Variants in ZNF469 observed in about 807,000 individuals in gnomAD.
The protein encoded by ZNF469 is zinc finger protein 469.
A neutral mutation model predicts 1.0 loss-of-function variants in ZNF469; 1 was observed. The ratio of observed to expected loss-of-function variants is 1.00; its 90% CI spans 0.35 to 4.73. The LOEUF (loss-of-function observed/expected upper bound fraction) is 4.73. ZNF469 is among the 30% of genes most tolerant of loss of function. The probability of loss-of-function intolerance (pLI) is 0.16; values close to 1 mark genes in which losing one functional copy is unlikely to be tolerated. For synonymous variants in ZNF469, 2,703 were observed against 2,363.4 expected (o/e 1.14, Z -4.17); for missense variants, 6,100 against 5,356.3 (o/e 1.14, Z -4.33).
chr16:88,329,414 G>A, the ZNF469 span, among the ~76,000 whole-genome samples: 13 of 152,238 alleles, frequency 8.5e-5, no homozygotes, highest in Admixed American at 2.0e-4. Context: ...GCTGCCTAGC[G>A]GAAGCCCCCT....
chr16:88,405,944 G>A (rs1905018027), intron 1 of ZNF469, among the ~76,000 whole-genome samples: 1 of 152,232 alleles, frequency 6.6e-6, no homozygotes, highest in Admixed American at 6.5e-5. Context: ...ACACATCAGA[G>A]CGTCTTGGCA....
At chr16:88,175,915 A>G in the ZNF469 span, among the ~76,000 whole-genome samples, 2 of 152,246 alleles carry the variant, frequency 1.3e-5, no homozygotes, top group East Asian at 3.8e-4. Context: ...GCCCTGATCT[A>G]TATGATGATC....
At chr16:88,297,880 C>A in the ZNF469 span, among the ~76,000 whole-genome samples, 6 of 152,208 alleles carry the variant, frequency 3.9e-5, no homozygotes, top group Non-Finnish European at 7.3e-5. Context: ...GAGGGCACTA[C>A]AGGTGCCGGT....
At chr16:88,127,581 G>A in the ZNF469 span, among the ~76,000 whole-genome samples, 16 of 152,280 alleles carry the variant, frequency 1.1e-4, no homozygotes, top group Admixed American at 9.8e-4. Context: ...TTCAGATACG[G>A]CGAAACCATT....
At chr16:88,101,445 C>A in the ZNF469 span, among the ~76,000 whole-genome samples, 1 of 152,014 alleles carries the variant, frequency 6.6e-6, no homozygotes, top group Admixed American at 6.5e-5. Flanking sequence ...TTTTGTGGCA[C>A]GCTCCAGGTG....
At chr16:88,118,998 TGA>T in the ZNF469 span, among the ~76,000 whole-genome samples, 1 of 152,190 alleles carries the variant, frequency 6.6e-6, no homozygotes, top group Non-Finnish European at 1.5e-5. Context: ...CCCAAGACAA[TGA>T]GAGGCAGGGC....
chr16:88,353,690 T>C, the ZNF469 span, among the ~76,000 whole-genome samples: 6 of 152,206 alleles, frequency 3.9e-5, no homozygotes, highest in African/African-American at 7.2e-5. Flanking sequence ...ATGTGACCTC[T>C]CTGGAAACAG....
intron 1 of ZNF469, among the ~76,000 whole-genome samples, chr16:88,387,615 T>C (rs2142262562): frequency 6.6e-6 from 1 of 152,230 alleles, no homozygotes; most frequent in African/African-American, 2.4e-5. Context: ...AAGTGGTCTC[T>C]GAGAATCACA....
At chr16:88,212,094 T>C in the ZNF469 span, among the ~76,000 whole-genome samples, 1 of 152,258 alleles carries the variant, frequency 6.6e-6, no homozygotes, top group South Asian at 2.1e-4. Context: ...TTCTTATATA[T>C]TTTGTCCTCT....
chr16:88,348,860 C>T, the ZNF469 span, among the ~76,000 whole-genome samples: 1 of 152,166 alleles, frequency 6.6e-6, no homozygotes, highest in Non-Finnish European at 1.5e-5. Context: ...ACCCCACAGG[C>T]ACTCGGCATC....
chr16:88,105,288 CT>C, the ZNF469 span, among the ~76,000 whole-genome samples: 1 of 130,434 alleles, frequency 7.7e-6, no homozygotes, highest in African/African-American at 2.9e-5. Context: ...ACAGCATTTT[CT>C]TTTTTCTTTC....
the ZNF469 span, among the ~76,000 whole-genome samples, chr16:88,377,703 T>C: frequency 0.53 from 79,455 of 151,100 alleles, 25,062 homozygotes; most frequent in African/African-American, 0.87. Flanking sequence ...CTCCCTCCTC[T>C]CTCCCACTCA....
the ZNF469 span, among the ~76,000 whole-genome samples, chr16:88,112,178 C>T: frequency 7.3e-5 from 11 of 150,996 alleles, no homozygotes; most frequent in East Asian, 2.2e-3. Flanking sequence ...TTGGCTAACG[C>T]CTGAATCCCA....
the ZNF469 span, among the ~76,000 whole-genome samples, chr16:88,256,843 CCTTT>C: frequency 6.6e-6 from 1 of 150,638 alleles, no homozygotes; most frequent in Admixed American, 6.6e-5. Context: ...TTCCTTCCTT[CCTTT>C]CTTCCTTCCT....
upstream of ZNF469, among the ~76,000 whole-genome samples, chr16:88,382,225 C>T (rs987247721): frequency 1.3e-5 from 2 of 152,184 alleles, no homozygotes; most frequent in African/African-American, 4.8e-5. Flanking sequence ...ACGTACTGGG[C>T]CAGGGGGCTC....
the ZNF469 span, among the ~76,000 whole-genome samples, chr16:88,198,714 G>A: frequency 6.6e-6 from 1 of 152,220 alleles, no homozygotes; most frequent in Non-Finnish European, 1.5e-5. Context: ...GCCAGGCCTT[G>A]GAGTTGTGAA....
chr16:88,165,161 A>T, the ZNF469 span, among the ~76,000 whole-genome samples: 20 of 152,180 alleles, frequency 1.3e-4, no homozygotes, highest in Non-Finnish European at 2.6e-4. Flanking sequence ...GGCTCCTGTG[A>T]GTGGGCTCAG....
chr16:88,366,328 A>G, the ZNF469 span, among the ~76,000 whole-genome samples: 26 of 151,760 alleles, frequency 1.7e-4, no homozygotes, highest in South Asian at 5.2e-3. Flanking sequence ...CGTCATTATC[A>G]TTACTGTCAC....
At chr16:88,291,658 C>G in the ZNF469 span, among the ~76,000 whole-genome samples, 5 of 152,060 alleles carry the variant, frequency 3.3e-5, no homozygotes, top group South Asian at 2.1e-4. Context: ...CAGACGCCCC[C>G]CTTCATAGCC....
Sources: gnomAD v4.1 joint callset for allele counts (sites outside exome capture counted in the v4.1 genomes callset) on GRCh38, gnomAD v4.1.1 for gene constraint, MANE v1.5 for transcripts, NCBI Gene and HGNC (gene_info 2026-07-23, HGNC 2026-07-21) for gene names.